TGDS: variants seen among roughly 807,000 people sequenced by gnomAD.
TGDS encodes the protein TDP-glucose 4,6-dehydratase.
A neutral mutation model predicts 52.3 loss-of-function variants in TGDS; 47 were observed. That is an observed-to-expected ratio of 0.90 (90% CI 0.71 to 1.15). TGDS has a LOEUF of 1.15. Among genes scored for constraint, TGDS ranks in the 50% most tolerant of loss-of-function variants. The pLI, the probability that TGDS is intolerant of heterozygous loss-of-function variation, is 0.00. For missense variants in TGDS, 375 were observed against 418.4 expected (o/e 0.90, Z 0.90); for synonymous variants, 115 against 136.9 (o/e 0.84, Z 1.12).
intron 9 of TGDS, 101 bp from the exon 10 acceptor site, chr13:94,577,530 G>T: frequency 2.3e-6 from 2 of 883,028 alleles, no homozygotes; most frequent in Non-Finnish European, 3.3e-6. Flanking sequence ...CTGCCTCATA[G>T]CAGGGAAGAC....
chr13:94,596,015 G>A, intron 1 of TGDS, 36 bp downstream of exon 1: 1 of 1,612,118 alleles, frequency 6.2e-7, no homozygotes, highest in Non-Finnish European at 8.5e-7. Context: ...GGGGTTTCTG[G>A]GGAGCCACTG....
At chr13:94,586,750 TA>T (rs747488330) in intron 4 of TGDS, among the ~76,000 whole-genome samples, 523 of 23,674 alleles carry the variant, frequency 0.022, 11 homozygotes, top group African/African-American at 0.076. Context: ...GAAATCAAAT[TA>T]TTTTTTTTTT....
rs1889374194 is a variant in TGDS, at chr13:94,596,149, C to T, written c.-13G>A. ...ACGCCGCCGACATCTCCCAGCTCAG[C>T]AGTGCCTAGTACCGTAAAGAGTATG... On this transcript the variant is annotated 5_prime_UTR_variant, in exon 1 of 12. Transcript: ENST00000261296. The T allele has an allele frequency of 1.2e-6, 2 of 1,613,346 alleles. No individual in the cohort carries two copies. Among genetic ancestry groups the T allele is most frequent in the African/African-American group, 2.7e-5 (2 of 74,934 alleles).
At chr13:94,594,500 AGGACCCTAAAGG>A (rs1195007722) in intron 1 of TGDS, among the ~76,000 whole-genome samples, 2 of 152,162 alleles carry the variant, frequency 1.3e-5, no homozygotes, top group African/African-American at 4.8e-5. Flanking sequence ...TGGGCTTCAG[AGGACCCTAAAGG>A]GGAATCACAG....
chr13:94,592,107 C>T (rs1436814926), intron 3 of TGDS, 134 bp downstream of exon 3: 2 of 577,184 alleles, frequency 3.5e-6, no homozygotes, highest in Non-Finnish European at 5.7e-6. Context: ...TGGAAATTAA[C>T]TACCTGATCT....
At chr13:94,586,760 T>C (rs1189265334) in intron 4 of TGDS, among the ~76,000 whole-genome samples, 6 of 147,552 alleles carry the variant, frequency 4.1e-5, no homozygotes, top group Admixed American at 1.4e-4. Context: ...TATTTTTTTT[T>C]TTTTTTTTTT....
rs117188419 is a variant in TGDS, at chr13:94,583,268, T to C, written c.314-32A>G. On this transcript the variant is annotated intron_variant, in intron 4 of 11. Transcript: ENST00000261296. ...GAAAAGAGTGAAAAGCTAAAACAAGTCTACCCAACGGATAAAACAAATGCC... is the reference window on the plus strand; with the variant it reads ...GAAAAGAGTGAAAAGCTAAAACAAGCCTACCCAACGGATAAAACAAATGCC... 10,171 of 1,602,698 alleles carry C rather than the reference T, an allele frequency of 6.3e-3. 60 individuals are homozygous for C. The highest frequency in any genetic ancestry group is 0.016 in the Middle Eastern group (95 of 6,004).
At chr13:94,581,490 AG>A (rs1888792716) in intron 5 of TGDS, among the ~76,000 whole-genome samples, 1 of 152,186 alleles carries the variant, frequency 6.6e-6, no homozygotes, top group African/African-American at 2.4e-5. Flanking sequence ...AGCTAGAGGA[AG>A]GCCATACCCT....
intron 4 of TGDS, among the ~76,000 whole-genome samples, chr13:94,584,195 G>A (rs1888900044): frequency 6.6e-6 from 1 of 152,182 alleles, no homozygotes; most frequent in Non-Finnish European, 1.5e-5. Flanking sequence ...GGGCTAAACT[G>A]TGTTCTCCCC....
At chr13:94,576,464 T>C in intron 10 of TGDS, 53 bp from the exon 11 acceptor site, 1 of 1,248,558 alleles carries the variant, frequency 8.0e-7, no homozygotes, top group Non-Finnish European at 1.1e-6. Context: ...ATTTACAAAT[T>C]TAGATATTAG....
rs192373298 is a variant in TGDS at position 94,593,724 on chromosome 13, T to G, written c.153+117A>C. On this transcript the variant is annotated intron_variant, in intron 2 of 11. Transcript: ENST00000261296. ...CACATTACTATACAGAGCCTCTGAATTGCTAAAATGACTAAATAAAAAATT... is the reference window on the plus strand; with the variant it reads ...CACATTACTATACAGAGCCTCTGAAGTGCTAAAATGACTAAATAAAAAATT... 211 of 771,912 alleles carry G rather than the reference T, an allele frequency of 2.7e-4. No homozygotes were observed. In the African/African-American group the frequency reaches 3.4e-3, roughly 12 times the overall value. 47.8% of individuals were successfully genotyped at this position (771,912 alleles called of 1,614,324 possible). A position where few individuals can be genotyped will look rare whatever the true frequency, so the allele number is the denominator to read the frequency against.
In TGDS at chr13:94,583,099, C is replaced by A. The variant is rs76632425; in HGVS notation, c.451G>T (p.Asp151Tyr). 6.2e-7 allele frequency: 1 copy of A among 1,613,108 alleles called. No homozygotes were observed. The highest frequency in any genetic ancestry group is 8.5e-7 in the Non-Finnish European group (1 of 1,179,734). The change falls in exon 5 of 12, where the codon GAT (aspartate) becomes TAT (tyrosine). Residue 151 changes from aspartate (D) to tyrosine (Y), a missense_variant. Physicochemically the swap from Asp to Tyr is radical, Grantham distance 160. Transcript: ENST00000261296. ...STDEVYGGSLDKEFDESSPKQ... is the reference protein window; with the variant it reads ...STDEVYGGSLYKEFDESSPKQ... ...TATACATTTTCTAAGCTCACCTTAT[C>A]AAGACTGCCACCATATACTTCATCT...
chr13:94,596,008 G>A (rs775277511), intron 1 of TGDS, 43 bp downstream of exon 1: 3 of 1,610,670 alleles, frequency 1.9e-6, no homozygotes, highest in Non-Finnish European at 1.7e-6. Flanking sequence ...AAAGGTAGGG[G>A]TTTCTGGGGA....
At chr13:94,591,427 T>A (rs1165011414) in intron 3 of TGDS, among the ~76,000 whole-genome samples, 1 of 152,154 alleles carries the variant, frequency 6.6e-6, no homozygotes, top group Non-Finnish European at 1.5e-5. Context: ...ACTCCATCTC[T>A]ACTAAAAATA....
chr13:94,591,343 A>G (rs768062047), intron 3 of TGDS, among the ~76,000 whole-genome samples: 1 of 152,136 alleles, frequency 6.6e-6, no homozygotes, highest in African/African-American at 2.4e-5. Context: ...CCCTGCACCA[A>G]AGTGAGGTGC....
intron 5 of TGDS, among the ~76,000 whole-genome samples, chr13:94,582,821 A>G (rs1888843377): frequency 6.6e-6 from 1 of 152,162 alleles, no homozygotes; most frequent in Non-Finnish European, 1.5e-5. Context: ...TCTGACTCCA[A>G]ATTCTTCAAT....
At chr13:94,581,412 G>A (rs1279697070) in intron 5 of TGDS, among the ~76,000 whole-genome samples, 2 of 152,184 alleles carry the variant, frequency 1.3e-5, no homozygotes, top group East Asian at 3.8e-4. Flanking sequence ...CCCTGAGACA[G>A]AAGCATGTCC....
chr13:94,582,934 ATCTAT>A (rs943952479), intron 5 of TGDS, among the ~76,000 whole-genome samples, 155 bp downstream of exon 5: 3 of 152,170 alleles, frequency 2.0e-5, no homozygotes, highest in African/African-American at 7.2e-5. Flanking sequence ...CCCTTTATAT[ATCTAT>A]TCTATTAGTT....
At chr13:94,582,852 T>C (rs1335785004) in intron 5 of TGDS, among the ~76,000 whole-genome samples, 3 of 152,232 alleles carry the variant, frequency 2.0e-5, no homozygotes, top group African/African-American at 7.2e-5. Context: ...AGACTGGCTC[T>C]CCTTGCTCCT....
Sources: allele counts gnomAD v4.1 joint callset (sites outside exome capture counted in the v4.1 genomes callset), GRCh38; gene constraint gnomAD v4.1.1; transcripts MANE v1.5; gene names NCBI Gene and HGNC (gene_info 2026-07-23, HGNC 2026-07-21).